HRH1: variants seen among roughly 807,000 people sequenced by gnomAD.
HRH1 encodes the protein histamine H1 receptor.
Under a neutral mutation model 10.3 loss-of-function variants are expected in HRH1, and 6 were observed. That is an observed-to-expected ratio of 0.58 (90% CI 0.32 to 1.15). The LOEUF (loss-of-function observed/expected upper bound fraction) is 1.15, where lower values mean the gene tolerates loss of function less well. HRH1 is among the 50% of genes most tolerant of loss of function. The pLI is 0.05. For missense variants in HRH1, 514 were observed against 615.3 expected, an observed-to-expected ratio of 0.84 and a Z score of 1.74; for synonymous variants, 242 against 236.7, an observed-to-expected ratio of 1.02 and a Z score of -0.21.
At chr3:11,214,241 G>A (rs1479655221) in intron 1 of HRH1, among the ~76,000 whole-genome samples, 1 of 152,194 alleles carries the variant, frequency 6.6e-6, no homozygotes, top group African/African-American at 2.4e-5. Context: ...CTGTACAGCA[G>A]TGAAATAAAA....
chr3:11,195,072 C>T (rs754123076), intron 1 of HRH1, among the ~76,000 whole-genome samples: 4 of 152,174 alleles, frequency 2.6e-5, no homozygotes, highest in Non-Finnish European at 5.9e-5. Flanking sequence ...CTACCCCCTT[C>T]TTAGAGACAC....
rs150341330 is a variant in HRH1 at position 11,248,167 on chromosome 3, G to A, written c.-35-10836G>A. Among the ~76,000 whole-genome samples, 968 of 152,218 alleles carry A rather than the reference G, an allele frequency of 6.4e-3. 7 individuals carry two copies. Among genetic ancestry groups the A allele is most frequent in the African/African-American group, 0.017 (694 of 41,500 alleles). ...CTCCGCCTTTTTCAGCTAATATCAC[G>A]TCAAGGGCTATTCTGTTTTTCCCAG... On this transcript the variant is annotated intron_variant, in intron 1 of 1. Transcript: ENST00000431010.
At chr3:11,233,406 G>C (rs1223348912) in intron 1 of HRH1, among the ~76,000 whole-genome samples, 1 of 151,938 alleles carries the variant, frequency 6.6e-6, no homozygotes, top group Admixed American at 6.6e-5. Context: ...CCATCAATTG[G>C]GTTCTTTTTT....
chr3:11,256,159 A>C (rs1939775442), intron 1 of HRH1, among the ~76,000 whole-genome samples: 1 of 152,160 alleles, frequency 6.6e-6, no homozygotes, highest in Admixed American at 6.5e-5. Flanking sequence ...ATAGGGCAGG[A>C]CTTTGGGTCA....
chr3:11,231,964 A>G (rs1375679374), intron 1 of HRH1, among the ~76,000 whole-genome samples: 4 of 149,316 alleles, frequency 2.7e-5, no homozygotes, highest in African/African-American at 9.8e-5. Flanking sequence ...TACATTTTAC[A>G]CTTAATGGTC....
At chr3:11,248,650 C>T (rs530715588) in intron 1 of HRH1, among the ~76,000 whole-genome samples, 1 of 152,370 alleles carries the variant, frequency 6.6e-6, no homozygotes, top group African/African-American at 2.4e-5. Context: ...GGCTTGGTTT[C>T]ACTGCACCCT....
At chr3:11,195,618 G>C (rs1370858766) in intron 1 of HRH1, among the ~76,000 whole-genome samples, 4 of 152,160 alleles carry the variant, frequency 2.6e-5, no homozygotes, top group African/African-American at 9.7e-5. Context: ...TCTCTTCCTG[G>C]TGTCCTGCTT....
At chr3:11,205,951 C>T (rs1258601910) in intron 1 of HRH1, among the ~76,000 whole-genome samples, 6 of 152,108 alleles carry the variant, frequency 3.9e-5, no homozygotes, top group Non-Finnish European at 5.9e-5. Context: ...TGAGCCACCG[C>T]GCCTGGCCCA....
intron 1 of HRH1, among the ~76,000 whole-genome samples, chr3:11,164,355 A>C (rs1936989717): frequency 6.6e-6 from 1 of 152,114 alleles, no homozygotes; most frequent in Non-Finnish European, 1.5e-5. Flanking sequence ...GAAGGGAGGG[A>C]TTGAGGGACA....
chr3:11,146,465 T>A (rs1936448563), intron 1 of HRH1, among the ~76,000 whole-genome samples: 1 of 152,104 alleles, frequency 6.6e-6, no homozygotes, highest in African/African-American at 2.4e-5. Context: ...TGTGCATTGA[T>A]GAGATGGTCC....
chr3:11,160,635 G>T (rs1936903801), intron 1 of HRH1, among the ~76,000 whole-genome samples: 1 of 152,020 alleles, frequency 6.6e-6, no homozygotes, highest in Non-Finnish European at 1.5e-5. Flanking sequence ...GTCACCTGCA[G>T]CAGCACTAAA....
intron 1 of HRH1, among the ~76,000 whole-genome samples, chr3:11,138,071 A>G (rs1936216586): frequency 6.6e-6 from 1 of 151,530 alleles, no homozygotes; most frequent in Non-Finnish European, 1.5e-5. Context: ...GCTGGAGTGG[A>G]GTGTCGTGAT....
At chr3:11,177,072 G>A (rs1458248602) in intron 1 of HRH1, among the ~76,000 whole-genome samples, 1 of 150,872 alleles carries the variant, frequency 6.6e-6, no homozygotes, top group Admixed American at 6.6e-5. Flanking sequence ...CAGCCTGAAT[G>A]ACGGAGTGAA....
intron 1 of HRH1, among the ~76,000 whole-genome samples, chr3:11,257,998 A>C (rs979696622): frequency 6.6e-6 from 1 of 152,184 alleles, no homozygotes; most frequent in Non-Finnish European, 1.5e-5. Context: ...GTCTTGTTAC[A>C]TATTACTTGG....
chr3:11,244,876 C>T (rs1313574563), intron 1 of HRH1, among the ~76,000 whole-genome samples: 1 of 152,196 alleles, frequency 6.6e-6, no homozygotes, highest in Non-Finnish European at 1.5e-5. Flanking sequence ...TTCTATCCCC[C>T]AGGGGATACC....
chr3:11,159,768 C>T lies in HRH1; in HGVS notation c.-36+5214C>T, dbSNP rs576507551. Among the ~76,000 whole-genome samples the T allele has an allele frequency of 5.3e-5, 8 of 152,300 alleles. 1 individual carries two copies. Among genetic ancestry groups the T allele is most frequent in the African/African-American group, 1.9e-4 (8 of 41,572 alleles). On this transcript the variant is annotated intron_variant, in intron 1 of 1. Coordinates refer to ENST00000431010, the MANE Select transcript of HRH1 (RefSeq NM_001098212.2). ...TCTGGAAGAGATTGCACAAGATGGG[C>T]GTTGTTCTTCCTTGAGTGTTCAATG...
intron 1 of HRH1, among the ~76,000 whole-genome samples, chr3:11,223,391 C>G (rs563255657): frequency 1.3e-5 from 2 of 151,668 alleles, no homozygotes; most frequent in East Asian, 1.9e-4. Flanking sequence ...CCCAGCCACT[C>G]GAGAGGCTGA....
chr3:11,143,729 A>G (rs1936341838), intron 1 of HRH1, among the ~76,000 whole-genome samples: 1 of 152,048 alleles, frequency 6.6e-6, no homozygotes, highest in Admixed American at 6.5e-5. Context: ...CACATTCTCC[A>G]GTGTGGTCAG....
intron 1 of HRH1, among the ~76,000 whole-genome samples, chr3:11,235,079 G>T (rs1448398724): frequency 6.6e-6 from 1 of 151,970 alleles, no homozygotes; most frequent in African/African-American, 2.4e-5. Flanking sequence ...GCTGGGCGTG[G>T]TGGCATGTGT....
Sources: gnomAD v4.1 joint callset for allele counts (sites outside exome capture counted in the v4.1 genomes callset) on GRCh38, gnomAD v4.1.1 for gene constraint, MANE v1.5 for transcripts, NCBI Gene and HGNC (gene_info 2026-07-23, HGNC 2026-07-21) for gene names.